Variants in KIF13A observed in about 807,000 individuals in gnomAD.
The protein encoded by KIF13A is kinesin-like protein KIF13A.
KIF13A carries 79 observed loss-of-function variants against 212.2 expected under a neutral mutation model. That is an observed-to-expected ratio of 0.37 (90% CI 0.31 to 0.45). The LOEUF is 0.45. KIF13A is among the 20% of genes least tolerant of loss of function. The pLI, the probability that KIF13A is intolerant of heterozygous loss-of-function variation, is 1.00. For missense variants in KIF13A, 1,901 were observed against 2,209.0 expected, an observed-to-expected ratio of 0.86 and a Z score of 2.79; for synonymous variants, 789 against 808.6, an observed-to-expected ratio of 0.98 and a Z score of 0.41.
rs751840092 is a variant in KIF13A at position 17,764,113 on chromosome 6, T to C, written c.5415A>G (p.Gln1805=). Residue 1805 remains glutamine (Q), a synonymous_variant, in exon 39 of 39, where the codon CAA becomes CAG. Coordinates refer to ENST00000259711, the MANE Select transcript of KIF13A (RefSeq NM_022113.6). The surrounding 1 kb of genome is among the most constrained non-coding windows in gnomAD (Gnocchi z 5.1). Reference sequence around the variant, plus strand: ...GTTGACATACAGTTAGACATACTCATTGACAGCACAGAACCCAAAAGGCTG... The same window carrying C: ...GTTGACATACAGTTAGACATACTCACTGACAGCACAGAACCCAAAAGGCTG... ...PEAAFWVLCC[Q] 51 of 1,613,328 alleles carry C rather than the reference T, an allele frequency of 3.2e-5. No homozygotes were observed. Among genetic ancestry groups the C allele is most frequent in the East Asian group, 4.5e-5 (2 of 44,886 alleles).
chr6:17,800,015 C>G lies in KIF13A; in HGVS notation c.2553G>C (p.Gly851=). 6.2e-7 allele frequency: 1 copy of G among 1,614,028 alleles called. No individual in the cohort carries two copies. Among genetic ancestry groups the G allele is most frequent in the Non-Finnish European group, 8.5e-7 (1 of 1,179,896 alleles). The change falls in exon 21 of 39, where the codon GGG becomes GGC. Residue 851 remains glycine (G), a synonymous_variant. Transcript: ENST00000259711. ...CGCTGCTGTCTACGACTTCAAGGCT[C>G]CCACTTTCACTGGAATTCTCCGAAG... The part of the protein sequence containing the change: ...DDSSENSSES[G]SLEVVDSSGE...
chr6:17,948,762 T>G (rs1464505912), intron 2 of KIF13A, among the ~76,000 whole-genome samples: 1 of 151,920 alleles, frequency 6.6e-6, no homozygotes, highest in Non-Finnish European at 1.5e-5. Context: ...GGTTTCACCA[T>G]GTTGGCTGGG....
At position 17,869,298 on chromosome 6, in the gene KIF13A, A is replaced by G. The variant is rs147185921; in HGVS notation, c.220+4079T>C. 3.8e-3 allele frequency among the ~76,000 whole-genome samples: 573 copies of G among 152,258 alleles called. 5 individuals carry two copies. Among genetic ancestry groups the G allele is most frequent in the African/African-American group, 0.013 (554 of 41,538 alleles). ...AAAACCAGTTGTCATAAATCTCAGT[A>G]CATTGCATTTTCTTTCCAAAGTGCT... On this transcript the variant is annotated intron_variant, in intron 4 of 38. Transcript: ENST00000259711.
At chr6:17,904,423 G>A (rs914701354) in intron 2 of KIF13A, among the ~76,000 whole-genome samples, 1 of 152,148 alleles carries the variant, frequency 6.6e-6, no homozygotes, top group Non-Finnish European at 1.5e-5. Context: ...AGCCGAGATT[G>A]CACCACTGCA....
At position 17,804,381 on chromosome 6, in the gene KIF13A, T is replaced by C. The variant is rs1452979067; in HGVS notation, c.2434A>G (p.Ile812Val). 5.2e-6 allele frequency: 8 copies of C among 1,548,098 alleles called. No homozygotes were observed. Among genetic ancestry groups the C allele is most frequent in the Non-Finnish European group, 7.0e-6 (8 of 1,144,646 alleles). The change falls in exon 20 of 39, where the codon ATC (isoleucine) becomes GTC (valine). Residue 812 changes from isoleucine to valine, a missense_variant. Ile to Val is a conservative substitution (Grantham distance 29). Transcript: ENST00000259711. ...CTTACCTCCCCCTGCTGGCTGATGA[T>C]AGGGACTGCATACTGAAGTTTCACA... ...CDVKLQYAVP[I>V]ISQQGEVAGR...
In KIF13A at chr6:17,849,234, T is replaced by G; in HGVS notation, c.830+143A>C. 6.8e-6 allele frequency: 4 copies of G among 589,746 alleles called. No homozygotes were observed. The highest frequency in any genetic ancestry group is 6.1e-5 in the East Asian group (2 of 32,950). The allele number at this position is 589,746 out of a possible 1,614,324, so 36.5% of individuals were successfully genotyped here. A position where few individuals can be genotyped will look rare whatever the true frequency, so the allele number is the denominator to read the frequency against. Reference sequence around the variant, plus strand: ...CTCATACATCTTAACAGACACAGGTTGTTGTTGTTTTTCTTCAGCCCAGTT... The same window carrying G: ...CTCATACATCTTAACAGACACAGGTGGTTGTTGTTTTTCTTCAGCCCAGTT... On this transcript the variant is annotated intron_variant, in intron 9 of 38. Transcript: ENST00000259711. This position sits in a 1 kb window ranked among gnomAD's most constrained non-coding sequence, Gnocchi z 5.7.
In KIF13A at chr6:17,963,704, G is replaced by A. The variant is rs1279052930; in HGVS notation, c.146+23350C>T. ...CCCAAGTAGCTGGGATTACAGGCACGCGCCACCACGCCCTGCTAATTTTTG... is the reference window on the plus strand; with the variant it reads ...CCCAAGTAGCTGGGATTACAGGCACACGCCACCACGCCCTGCTAATTTTTG... On this transcript the variant is annotated intron_variant, in intron 2 of 38. Coordinates refer to ENST00000259711, the MANE Select transcript of KIF13A (RefSeq NM_022113.6). The surrounding 1 kb of genome is among the most constrained non-coding windows in gnomAD (Gnocchi z 4.1). Among the ~76,000 whole-genome samples the A allele has an allele frequency of 6.6e-6, 1 of 152,050 alleles. No individual in the cohort carries two copies. Among genetic ancestry groups the A allele is most frequent in the Non-Finnish European group, 1.5e-5 (1 of 68,010 alleles).
At chr6:17,893,641 A>G (rs1212595341) in intron 3 of KIF13A, among the ~76,000 whole-genome samples, 1 of 152,116 alleles carries the variant, frequency 6.6e-6, no homozygotes, top group Non-Finnish European at 1.5e-5. Flanking sequence ...GGTTAGATCA[A>G]TATCCTCGCC....
At position 17,874,498 on chromosome 6, in the gene KIF13A, C is replaced by T. The variant is rs181148491; in HGVS notation, c.160-1061G>A. 1.6e-3 allele frequency among the ~76,000 whole-genome samples: 246 copies of T among 151,974 alleles called. 1 individual carries two copies. The highest frequency in any genetic ancestry group is 7.2e-4 in the Non-Finnish European group (49 of 67,934). On this transcript the variant is annotated intron_variant, in intron 3 of 38. Transcript: ENST00000259711. The stretch of plus-strand genomic sequence containing the variant: ...TTGCCCAGGCTGGAGTGCAGTGGTG[C>T]GATCTCGGCTCACCGCAACCTCTGC...
intron 2 of KIF13A, among the ~76,000 whole-genome samples, chr6:17,929,848 T>G (rs1016212000): frequency 2.6e-5 from 4 of 152,216 alleles, no homozygotes; most frequent in Admixed American, 6.5e-5. Context: ...GGCCTGGTTT[T>G]ACCTTTCTGA....
At chr6:17,844,405 G>A (rs1469871821) in intron 9 of KIF13A, among the ~76,000 whole-genome samples, 8 of 152,078 alleles carry the variant, frequency 5.3e-5, no homozygotes, top group Admixed American at 5.2e-4. Context: ...ATACTTTATT[G>A]TTCTAGGGAT....
At chr6:17,867,902 C>A (rs576426114) in intron 4 of KIF13A, among the ~76,000 whole-genome samples, 1 of 152,320 alleles carries the variant, frequency 6.6e-6, no homozygotes, top group South Asian at 2.1e-4. Context: ...TAGCTCTGAG[C>A]ACATAAAATC....
At chr6:17,956,703 C>A (rs1028308089) in intron 2 of KIF13A, among the ~76,000 whole-genome samples, 1 of 152,076 alleles carries the variant, frequency 6.6e-6, no homozygotes, top group Non-Finnish European at 1.5e-5. Context: ...TCTCGCCGAC[C>A]TTCTCCTGTC....
At chr6:17,791,255 T>C (rs907598940) in intron 25 of KIF13A, among the ~76,000 whole-genome samples, 1 of 152,206 alleles carries the variant, frequency 6.6e-6, no homozygotes, top group African/African-American at 2.4e-5. Context: ...TCATAACTTT[T>C]TAAACTATGG....
chr6:17,907,254 A>C (rs1773594331), intron 2 of KIF13A, among the ~76,000 whole-genome samples: 1 of 152,216 alleles, frequency 6.6e-6, no homozygotes, highest in Non-Finnish European at 1.5e-5. Flanking sequence ...ACAAGATCAT[A>C]GTTAACTGGC....
intron 18 of KIF13A, among the ~76,000 whole-genome samples, chr6:17,806,141 C>T (rs1048575260): frequency 2.0e-5 from 3 of 151,858 alleles, no homozygotes; most frequent in Non-Finnish European, 4.4e-5. Context: ...TTATGTTGCC[C>T]GGGCTGGTCT....
chr6:17,877,921 C>T (rs1770716626), intron 3 of KIF13A, among the ~76,000 whole-genome samples: 1 of 152,190 alleles, frequency 6.6e-6, no homozygotes, highest in Admixed American at 6.6e-5. Context: ...TAGTAGCCAT[C>T]TAATTCATTA....
At chr6:17,940,965 A>C (rs1223265718) in intron 2 of KIF13A, among the ~76,000 whole-genome samples, 2 of 151,628 alleles carry the variant, frequency 1.3e-5, no homozygotes, top group Non-Finnish European at 2.9e-5. Flanking sequence ...AGCTGGGATT[A>C]CAGGCATGCA....
intron 2 of KIF13A, among the ~76,000 whole-genome samples, chr6:17,929,394 A>G (rs958865912): frequency 3.0e-5 from 4 of 135,266 alleles, no homozygotes; most frequent in Non-Finnish European, 6.2e-5. Context: ...TGTGTGCAGC[A>G]CTCTCGACTA....
Sources: gnomAD v4.1 joint callset for allele counts (sites outside exome capture counted in the v4.1 genomes callset) on GRCh38, gnomAD v4.1.1 for gene constraint, Gnocchi (gnomAD v3.1) non-coding constraint, MANE v1.5 for transcripts, NCBI Gene and HGNC (gene_info 2026-07-23, HGNC 2026-07-21) for gene names.